The following MBD5 variants were observed in gnomAD, a reference collection of about 807,000 sequenced individuals.
MBD5 encodes methyl-CpG binding domain protein 5.
In MBD5, 13 loss-of-function variants were observed where a neutral mutation model predicts 117.3. The observed-to-expected ratio is 0.11, with a 90% confidence interval of 0.07 to 0.18. MBD5 has a LOEUF of 0.18. Among genes scored for constraint, MBD5 ranks in the 10% least tolerant of loss-of-function variants. The probability of loss-of-function intolerance (pLI) is 1.00; values close to 1 mark genes in which losing one functional copy is unlikely to be tolerated. For synonymous variants in MBD5, 727 were observed against 766.4 expected, an observed-to-expected ratio of 0.95 and a Z score of 0.85; for missense variants, 1,879 against 2,093.8, an observed-to-expected ratio of 0.90 and a Z score of 2.00.
At chr2:148,444,338 T>G (rs1706424254) in intron 4 of MBD5, among the ~76,000 whole-genome samples, 2 of 151,394 alleles carry the variant, frequency 1.3e-5, no homozygotes, top group South Asian at 4.1e-4. Flanking sequence ...AAGCAAATCA[T>G]CACTCTTTGA....
chr2:148,437,961 A>T (rs1356082592), intron 4 of MBD5, among the ~76,000 whole-genome samples: 1 of 152,038 alleles, frequency 6.6e-6, no homozygotes, highest in African/African-American at 2.4e-5. Flanking sequence ...AGAAATGCAG[A>T]TATACAAAAA....
At chr2:148,420,261 C>A (rs1705559581) in intron 4 of MBD5, among the ~76,000 whole-genome samples, 1 of 152,156 alleles carries the variant, frequency 6.6e-6, no homozygotes. Flanking sequence ...CCCTTATACT[C>A]ATACTGCAAC....
intron 4 of MBD5, among the ~76,000 whole-genome samples, chr2:148,397,669 T>G (rs1363907013): frequency 6.6e-6 from 1 of 152,188 alleles, no homozygotes; most frequent in African/African-American, 2.4e-5. Context: ...TTTTTTATTA[T>G]ACTTTAACTT....
intron 1 of MBD5, among the ~76,000 whole-genome samples, chr2:148,156,032 G>C (rs1697864133): frequency 6.6e-6 from 1 of 152,206 alleles, no homozygotes; most frequent in African/African-American, 2.4e-5. Context: ...GCAGTTTACT[G>C]TTACCAGATA....
chr2:148,188,899 C>T (rs977637960), intron 2 of MBD5, among the ~76,000 whole-genome samples: 6 of 151,468 alleles, frequency 4.0e-5, no homozygotes, highest in Non-Finnish European at 7.4e-5. Context: ...AGTGTGTGTG[C>T]GCACCGTGCG....
At chr2:148,033,898 T>A (rs1158537938) in intron 1 of MBD5, among the ~76,000 whole-genome samples, 1 of 152,210 alleles carries the variant, frequency 6.6e-6, no homozygotes, top group African/African-American at 2.4e-5. Flanking sequence ...ACATTCCAAT[T>A]GAGAAAATAC....
chr2:148,276,945 AAGG>A lies in MBD5; in HGVS notation c.-680+43553_-680+43555del, dbSNP rs143651061. ...TTCTTATTTGAAAAAATTAAACCCA[AAGG>A]AGAAGAGAAAGTTTGTATTTTCTCT... On this transcript the variant is annotated intron_variant, in intron 3 of 13. Transcript: ENST00000642680. Among the ~76,000 whole-genome samples, 1,279 of 152,278 alleles carry A rather than the reference AAGG, an allele frequency of 8.4e-3. 23 individuals carry two copies. The highest frequency in any genetic ancestry group is 0.03 in the African/African-American group (1,232 of 41,554).
Position 148,483,265 on chromosome 2 carries a change from G to T in MBD5, c.2674G>T (p.Val892Phe). The T allele has an allele frequency of 1.2e-6, 2 of 1,613,974 alleles. No individual in the cohort carries two copies. The highest frequency in any genetic ancestry group is 1.7e-6 in the Non-Finnish European group (2 of 1,180,000). ...ACCCATTGGGAGTGATTTTCCTTTT[G>T]TTGGCCAGGAGCACGCACTTCATTT... ...QLPIGSDFPF[V>F]GQEHALHFPS... The change falls in exon 9 of 14, where the codon GTT becomes TTT. Residue 892 changes from valine (V) to phenylalanine (F), a missense_variant. Physicochemically the swap from Val to Phe is conservative, Grantham distance 50 (BLOSUM62 -1). Around this residue, in one of 4 missense-constraint regions of MBD5, gnomAD observed 1,666 missense variants for 1,792.2 expected, o/e 0.93. Coordinates refer to ENST00000642680, the MANE Select transcript of MBD5 (RefSeq NM_001378120.1).
intron 4 of MBD5, among the ~76,000 whole-genome samples, chr2:148,387,173 G>A (rs1215925424): frequency 6.6e-6 from 1 of 152,050 alleles, no homozygotes; most frequent in Non-Finnish European, 1.5e-5. Context: ...AACATTAGCC[G>A]ACTGAGTATA....
chr2:148,176,427 C>CA (rs1698390845), intron 1 of MBD5, among the ~76,000 whole-genome samples: 2 of 145,136 alleles, frequency 1.4e-5, no homozygotes, highest in South Asian at 4.4e-4. Flanking sequence ...TTTTTTGAGA[C>CA]AGAGTCTTGC....
chr2:148,433,514 A>G (rs1706055315), intron 4 of MBD5, among the ~76,000 whole-genome samples: 1 of 152,032 alleles, frequency 6.6e-6, no homozygotes, highest in African/African-American at 2.4e-5. Flanking sequence ...ATTACTTTGA[A>G]GTATGTTCCT....
chr2:148,470,711 G>A (rs1266548760), intron 8 of MBD5: 8 of 506,338 alleles, frequency 1.6e-5, no homozygotes, highest in East Asian at 1.6e-4. Context: ...AATATTGTTC[G>A]ACTTTCACTT....
At chr2:148,083,378 T>G (rs908876431) in intron 1 of MBD5, among the ~76,000 whole-genome samples, 24 of 152,166 alleles carry the variant, frequency 1.6e-4, no homozygotes, top group Non-Finnish European at 2.9e-4. Context: ...GCGTTATTTA[T>G]TATTTTAAAT....
At chr2:148,199,261 G>A (rs774626855) in intron 2 of MBD5, among the ~76,000 whole-genome samples, 10 of 152,066 alleles carry the variant, frequency 6.6e-5, no homozygotes, top group Non-Finnish European at 7.3e-5. Flanking sequence ...TCAGCTGATT[G>A]TAGGTATTAA....
chr2:148,148,931 ATTTAT>A (rs973035190), intron 1 of MBD5, among the ~76,000 whole-genome samples: 2 of 150,990 alleles, frequency 1.3e-5, no homozygotes, highest in South Asian at 2.1e-4. Context: ...ATATTTCTTT[ATTTAT>A]TTTATTTTAT....
At chr2:148,254,533 G>A (rs1700538310) in intron 3 of MBD5, among the ~76,000 whole-genome samples, 1 of 152,090 alleles carries the variant, frequency 6.6e-6, no homozygotes, top group Non-Finnish European at 1.5e-5. Context: ...GAAGCTGAGA[G>A]CATAGCACCT....
At chr2:148,273,940 A>G (rs1701042654) in intron 3 of MBD5, among the ~76,000 whole-genome samples, 1 of 152,090 alleles carries the variant, frequency 6.6e-6, no homozygotes. Flanking sequence ...ATGCTAGATA[A>G]TTCTTCTTTG....
chr2:148,347,478 G>A (rs1048737355), intron 4 of MBD5: 2 of 151,906 alleles, frequency 1.3e-5, no homozygotes, highest in African/African-American at 4.8e-5. Context: ...TGCCTCACCA[G>A]CCTCCCTTAT....
chr2:148,288,865 C>T (rs1024327924), intron 3 of MBD5, among the ~76,000 whole-genome samples: 1 of 151,962 alleles, frequency 6.6e-6, no homozygotes, highest in Admixed American at 6.5e-5. Context: ...GAATAAAGAC[C>T]AAGACTTCTC....
Sources: gnomAD v4.1 joint callset for allele counts (sites outside exome capture counted in the v4.1 genomes callset) on GRCh38, gnomAD v4.1.1 for gene constraint, gnomAD v4.1.1 regional missense constraint, MANE v1.5 for transcripts, NCBI Gene and HGNC (gene_info 2026-07-23, HGNC 2026-07-21) for gene names.